The following SYCE2 variants were observed in gnomAD, a reference collection of about 807,000 sequenced individuals.
The protein encoded by SYCE2 is synaptonemal complex central element protein 2.
SYCE2 carries 3 observed loss-of-function variants against 27.9 expected under a neutral mutation model. The ratio of observed to expected loss-of-function variants is 0.11; its 90% CI spans 0.05 to 0.28. The LOEUF is 0.28. Ranked by LOEUF, SYCE2 falls within the 10% of genes least tolerant of loss-of-function variation. The probability of loss-of-function intolerance (pLI) is 1.00; values close to 1 mark genes in which losing one functional copy is unlikely to be tolerated. For synonymous variants in SYCE2, 85 were observed against 100.7 expected, an observed-to-expected ratio of 0.84 and a Z score of 0.93; for missense variants, 207 against 263.5, an observed-to-expected ratio of 0.79 and a Z score of 1.48.
At chr19:12,901,098 G>A (rs1424264695) in intron 3 of SYCE2, among the ~76,000 whole-genome samples, 3 of 151,966 alleles carry the variant, frequency 2.0e-5, no homozygotes, top group South Asian at 2.1e-4. Context: ...GAACCCGGGC[G>A]GCGGAGCTTG....
chr19:12,904,221 T>G (rs1886380670), intron 3 of SYCE2, among the ~76,000 whole-genome samples: 1 of 152,164 alleles, frequency 6.6e-6, no homozygotes, highest in Admixed American at 6.5e-5. Context: ...ATATCATGGG[T>G]CCAATCTCTT....
intron 1 of SYCE2, 27 bp downstream of exon 1, chr19:12,919,216 C>T: frequency 6.2e-7 from 1 of 1,610,278 alleles, no homozygotes; most frequent in Non-Finnish European, 8.5e-7. Flanking sequence ...CCGCCCCACG[C>T]GCGAGAAGGA....
rs201107425 is a variant in SYCE2 at position 12,907,905 on chromosome 19, GT to G, written c.132-3240del. 3.6e-3 allele frequency among the ~76,000 whole-genome samples: 545 copies of G among 152,212 alleles called. 4 individuals are homozygous for G. The highest frequency in any genetic ancestry group is 0.012 in the African/African-American group (514 of 41,530). ...AAGGCAGGTGAATCGTGAGCTCAGG[GT>G]TTTGAGACCAGCCTGGGCAACATGG... On this transcript the variant is annotated intron_variant, in intron 2 of 5. Coordinates refer to ENST00000293695, the MANE Select transcript of SYCE2 (RefSeq NM_001105578.2).
chr19:12,912,545 C>T (rs1250110833), intron 2 of SYCE2, among the ~76,000 whole-genome samples: 1 of 152,206 alleles, frequency 6.6e-6, no homozygotes, highest in Non-Finnish European at 1.5e-5. Context: ...GAATGCAGCA[C>T]TGACATTGGG....
intron 3 of SYCE2, 31 bp downstream of exon 3, chr19:12,904,433 GTTCATTCCCTCCCCTTTTGCATAAGGAA>G: frequency 6.2e-7 from 1 of 1,601,738 alleles, no homozygotes; most frequent in Non-Finnish European, 8.5e-7. Flanking sequence ...ACCATCAGTG[GTTCATTCCCTCCCCTTTTGCATAAGGAA>G]TCCCCCCTCT....
At chr19:12,906,306 G>C (rs1970932486) in intron 2 of SYCE2, 1 of 152,188 alleles carries the variant, frequency 6.6e-6, no homozygotes, top group Non-Finnish European at 1.5e-5. Context: ...TATTTAAAGA[G>C]CATTTAAAGA....
At chr19:12,901,137 C>T (rs2145962473) in intron 3 of SYCE2, among the ~76,000 whole-genome samples, 1 of 151,656 alleles carries the variant, frequency 6.6e-6, no homozygotes, top group South Asian at 2.1e-4. Context: ...CCACTGCACT[C>T]CAGCCTGGGC....
chr19:12,915,272 G>C (rs779476663), intron 2 of SYCE2, among the ~76,000 whole-genome samples: 2 of 152,170 alleles, frequency 1.3e-5, no homozygotes, highest in Non-Finnish European at 2.9e-5. Flanking sequence ...TGGTTGTCCA[G>C]CTCTGAATAT....
chr19:12,910,818 C>T (rs1467639210), intron 2 of SYCE2, among the ~76,000 whole-genome samples: 1 of 151,930 alleles, frequency 6.6e-6, no homozygotes, highest in Non-Finnish European at 1.5e-5. Flanking sequence ...GCTGGGACTA[C>T]AGGCGCCCGC....
At chr19:12,918,950 CAA>C (rs751137312) in intron 1 of SYCE2, among the ~76,000 whole-genome samples, 2 of 57,116 alleles carry the variant, frequency 3.5e-5, no homozygotes, top group Non-Finnish European at 7.3e-5. Context: ...TACTTCGTCT[CAA>C]AAAAAAAAAA....
chr19:12,914,745 G>A (rs556501745), intron 2 of SYCE2, among the ~76,000 whole-genome samples: 93 of 152,156 alleles, frequency 6.1e-4, no homozygotes, highest in Admixed American at 1.8e-3. Flanking sequence ...AAGTAGCTGG[G>A]ATTACAGGCA....
At chr19:12,904,007 C>T (rs899543385) in intron 3 of SYCE2, among the ~76,000 whole-genome samples, 1 of 152,192 alleles carries the variant, frequency 6.6e-6, no homozygotes, top group Non-Finnish European at 1.5e-5. Context: ...AGAAGCTCCA[C>T]TCCCCCGTCA....
intron 5 of SYCE2, chr19:12,899,674 T>G: frequency 6.2e-7 from 1 of 1,612,332 alleles, no homozygotes; most frequent in Non-Finnish European, 8.5e-7. Flanking sequence ...CACTGATTTT[T>G]AAATATCAAA....
intron 1 of SYCE2, among the ~76,000 whole-genome samples, chr19:12,918,958 A>C (rs1971190654): frequency 1.0e-5 from 1 of 98,000 alleles, no homozygotes; most frequent in African/African-American, 3.6e-5. Context: ...CTCAAAAAAA[A>C]AAAAAAAAAG....
chr19:12,918,113 A>G, intron 2 of SYCE2, 109 bp downstream of exon 2: 1 of 883,030 alleles, frequency 1.1e-6, no homozygotes. Flanking sequence ...ACGCTGTGTT[A>G]GGAGGGAAAA....
At chr19:12,907,964 TAGCCG>T (rs990067016) in intron 2 of SYCE2, among the ~76,000 whole-genome samples, 6 of 151,800 alleles carry the variant, frequency 4.0e-5, no homozygotes, top group African/African-American at 1.5e-4. Context: ...ACACAAAAAT[TAGCCG>T]AGTGTGGTGG....
chr19:12,917,065 CTT>C (rs774437768), intron 2 of SYCE2, among the ~76,000 whole-genome samples: 31 of 128,470 alleles, frequency 2.4e-4, no homozygotes, highest in Middle Eastern at 5.0e-3. Flanking sequence ...TATATATATA[CTT>C]TTTTTTTTTT....
rs979742155 is a variant in SYCE2, at chr19:12,899,071, G to A, written c.*270C>T. On this transcript the variant is annotated 3_prime_UTR_variant, in exon 6 of 6. Coordinates refer to ENST00000293695, the MANE Select transcript of SYCE2 (RefSeq NM_001105578.2). ...CTTTCAGCCTCTGTGGCAAGGAAGC[G>A]TGGCCAGGTTGAAAATCAAACATTT... 16 of 510,442 alleles carry A rather than the reference G, an allele frequency of 3.1e-5. No homozygotes were observed. The highest frequency in any genetic ancestry group is 4.3e-5 in the Non-Finnish European group (12 of 281,818). 31.6% of individuals were successfully genotyped at this position (510,442 alleles called of 1,614,324 possible).
rs1426862336 is a variant in SYCE2, at chr19:12,899,329, TC to T, written c.*11del. The T allele has an allele frequency of 1.2e-5, 19 of 1,612,688 alleles. No homozygotes were observed. Among genetic ancestry groups the T allele is most frequent in the Non-Finnish European group, 1.5e-5 (18 of 1,178,802 alleles). ...GGAGACTGTCACTAAGGCGTGAGTC[TC>T]CCGGCAGCTGTCAGCATTCACCATC... On this transcript the variant is annotated 3_prime_UTR_variant, in exon 6 of 6. Coordinates refer to ENST00000293695, the MANE Select transcript of SYCE2 (RefSeq NM_001105578.2).
Sources: allele counts gnomAD v4.1 joint callset (sites outside exome capture counted in the v4.1 genomes callset), GRCh38; gene constraint gnomAD v4.1.1; transcripts MANE v1.5; gene names NCBI Gene and HGNC (gene_info 2026-07-23, HGNC 2026-07-21).